Variants in SMIM14 observed in about 807,000 individuals in gnomAD.
SMIM14 encodes the protein chromosome 4 open reading frame 34.
Under a neutral mutation model 12.6 loss-of-function variants are expected in SMIM14, and 5 were observed. That is an observed-to-expected ratio of 0.40 (90% CI 0.21 to 0.83). The LOEUF (loss-of-function observed/expected upper bound fraction) is 0.83. SMIM14 is among the 40% of genes least tolerant of loss of function. SMIM14 has a pLI of 0.37. For synonymous variants in SMIM14, 30 were observed against 40.1 expected (o/e 0.75, Z 0.95); for missense variants, 86 against 119.1 (o/e 0.72, Z 1.29).
intron 2 of SMIM14, among the ~76,000 whole-genome samples, chr4:39,589,107 GAC>G (rs1713927910): frequency 6.6e-6 from 1 of 152,018 alleles, no homozygotes; most frequent in Admixed American, 6.6e-5. Context: ...TTTTTCTTCA[GAC>G]AGAGTCTCGC....
At chr4:39,575,403 C>G (rs2110012565) in intron 2 of SMIM14, among the ~76,000 whole-genome samples, 1 of 152,062 alleles carries the variant, frequency 6.6e-6, no homozygotes, top group East Asian at 1.9e-4. Context: ...TCTATGTTGC[C>G]CAGGCTGGTC....
At chr4:39,630,110 G>A (rs554399731) in intron 1 of SMIM14, among the ~76,000 whole-genome samples, 1 of 152,314 alleles carries the variant, frequency 6.6e-6, no homozygotes, top group East Asian at 1.9e-4. Flanking sequence ...TGAGCAGAAA[G>A]AAGCAGAGTG....
intron 2 of SMIM14, among the ~76,000 whole-genome samples, chr4:39,598,712 C>A (rs538001677): frequency 1.5e-3 from 233 of 152,244 alleles, no homozygotes; most frequent in African/African-American, 5.4e-3. Context: ...AAAGTTAGTA[C>A]TTTTTTTGCA....
chr4:39,635,828 A>G (rs565845075), intron 1 of SMIM14, among the ~76,000 whole-genome samples: 14 of 152,248 alleles, frequency 9.2e-5, no homozygotes, highest in African/African-American at 3.4e-4. Flanking sequence ...TTTGGTGCCA[A>G]CTGGTAAAGC....
intron 1 of SMIM14, among the ~76,000 whole-genome samples, chr4:39,609,848 G>A (rs545892784): frequency 6.6e-6 from 1 of 152,344 alleles, no homozygotes; most frequent in African/African-American, 2.4e-5. Context: ...ACAGATCAGC[G>A]ACAACGGCGG....
At chr4:39,599,933 CAA>C (rs56285045) in intron 2 of SMIM14, among the ~76,000 whole-genome samples, 9,519 of 115,002 alleles carry the variant, frequency 0.083, 484 homozygotes, top group East Asian at 0.22. Context: ...AAAACAACAA[CAA>C]AAAAAAAAAA....
chr4:39,638,521 C>T, intron 1 of SMIM14: 1 of 985,472 alleles, frequency 1.0e-6, no homozygotes, highest in Non-Finnish European at 1.2e-6. Context: ...CAGAGAATAC[C>T]CAATTGCAGG....
Position 39,605,064 on chromosome 4 carries a change from A to G in SMIM14, c.75+7T>C, listed in dbSNP as rs1184271016. 4 of 1,557,252 alleles carry G rather than the reference A, an allele frequency of 2.6e-6. No individual in the cohort carries two copies. The highest frequency in any genetic ancestry group is 1.7e-4 in the Middle Eastern group (1 of 5,958). ...GTTCAGAATAGGATTGTCCTGTTGC[A>G]TCTCACCAGATTGATCAGTCTTCTC... is the stretch of plus-strand genomic sequence containing the variant. On this transcript the variant is annotated splice_region_variant and intron_variant, in intron 2 of 4. Coordinates refer to ENST00000295958, the MANE Select transcript of SMIM14 (RefSeq NM_174921.3).
chr4:39,599,777 C>A (rs148384599), intron 2 of SMIM14, among the ~76,000 whole-genome samples: 139 of 151,974 alleles, frequency 9.1e-4, no homozygotes, highest in African/African-American at 3.2e-3. Context: ...CAAAAATTAG[C>A]TGGGCATGGT....
intron 3 of SMIM14, among the ~76,000 whole-genome samples, chr4:39,568,801 C>A (rs1712710172): frequency 6.6e-6 from 1 of 152,022 alleles, no homozygotes. Flanking sequence ...TAATTCTATC[C>A]CTCACAGTAA....
chr4:39,584,170 T>A (rs1713658259), intron 2 of SMIM14, among the ~76,000 whole-genome samples: 3 of 151,908 alleles, frequency 2.0e-5, no homozygotes, highest in African/African-American at 7.3e-5. Context: ...GTAACATCTC[T>A]ATGCAGTACT....
At chr4:39,553,750 T>C (rs28537330) in intron 4 of SMIM14, among the ~76,000 whole-genome samples, 19,850 of 151,810 alleles carry the variant, frequency 0.13, 2,927 homozygotes, top group African/African-American at 0.36. Context: ...CGCGCCACCA[T>C]GCCTGGCTAA....
Position 39,596,643 on chromosome 4 carries a change from G to A in SMIM14, c.75+8428C>T, listed in dbSNP as rs150695993. On this transcript the variant is annotated intron_variant, in intron 2 of 4. Coordinates refer to ENST00000295958, the MANE Select transcript of SMIM14 (RefSeq NM_174921.3). ...CTCCCCACTGTAACCACTGTTTGAG[G>A]TATATCCCTTTGAACCTTTTTTACT... 3.1e-3 allele frequency among the ~76,000 whole-genome samples: 468 copies of A among 152,244 alleles called. 3 individuals carry two copies. The highest frequency in any genetic ancestry group is 0.011 in the African/African-American group (441 of 41,546).
chr4:39,606,359 A>G lies in SMIM14; in HGVS notation c.-35-1179T>C, dbSNP rs887790867. On this transcript the variant is annotated intron_variant, in intron 1 of 4. Coordinates refer to ENST00000295958, the MANE Select transcript of SMIM14 (RefSeq NM_174921.3). ...AGTTCATGTTTAAAAAAAAAAAAAAAGGGCTGAGTGTGGTGGCTCACACCT... is the reference window on the plus strand; with the variant it reads ...AGTTCATGTTTAAAAAAAAAAAAAAGGGGCTGAGTGTGGTGGCTCACACCT... Among the ~76,000 whole-genome samples, 9 of 150,014 alleles carry G rather than the reference A, an allele frequency of 6.0e-5. No homozygotes were observed. In the East Asian group the frequency reaches 7.8e-4, roughly 13 times the overall value.
intron 2 of SMIM14, chr4:39,593,743 T>C (rs1200572980): frequency 3.9e-5 from 6 of 151,964 alleles, no homozygotes; most frequent in Non-Finnish European, 8.8e-5. Context: ...TCACAAGCAT[T>C]CTTATACACC....
intron 1 of SMIM14, among the ~76,000 whole-genome samples, chr4:39,620,403 T>A (rs547093292): frequency 1.2e-3 from 180 of 152,060 alleles, no homozygotes; most frequent in African/African-American, 4.0e-3. Flanking sequence ...GGCGTGAACC[T>A]GGGAGGTGGA....
intron 2 of SMIM14, among the ~76,000 whole-genome samples, chr4:39,599,933 C>CAAAAAAAAAAAAAA (rs56285045): frequency 5.2e-5 from 6 of 115,062 alleles, no homozygotes; most frequent in African/African-American, 7.6e-5. Context: ...AAAACAACAA[C>CAAAAAAAAAAAAAA]AAAAAAAAAA....
rs900396874 is a variant in SMIM14, at chr4:39,548,727, A to G, written c.*3399T>C. The stretch of plus-strand genomic sequence containing the variant: ...CTAGGTCAACAAGAATATTTCATGT[A>G]TAGTACACTGTCTAAGGAATGCAGA... On this transcript the variant is annotated 3_prime_UTR_variant, in exon 5 of 5. Coordinates refer to ENST00000295958, the MANE Select transcript of SMIM14 (RefSeq NM_174921.3). The G allele has an allele frequency of 6.6e-6, 1 of 152,248 alleles. No homozygotes were observed. The allele number at this position is 152,248 out of a possible 1,614,324, so 9.4% of individuals were successfully genotyped here.
intron 1 of SMIM14, among the ~76,000 whole-genome samples, chr4:39,637,784 A>G (rs1205200514): frequency 6.6e-6 from 1 of 152,184 alleles, no homozygotes; most frequent in East Asian, 1.9e-4. Context: ...AATGCCTCCT[A>G]AGCGTCCCAA....
Sources: gnomAD v4.1 joint callset for allele counts (sites outside exome capture counted in the v4.1 genomes callset) on GRCh38, gnomAD v4.1.1 for gene constraint, MANE v1.5 for transcripts, NCBI Gene and HGNC (gene_info 2026-07-23, HGNC 2026-07-21) for gene names.